The following FBXO4 variants were observed in gnomAD, a reference collection of about 807,000 sequenced individuals.
FBXO4 encodes the protein F-box protein 4.
Under a neutral mutation model 43.7 loss-of-function variants are expected in FBXO4, and 36 were observed. The ratio of observed to expected loss-of-function variants is 0.82; its 90% CI spans 0.63 to 1.09. The LOEUF is 1.09. Among genes scored for constraint, FBXO4 ranks in the 50% least tolerant of loss-of-function variants. FBXO4 has a pLI of 0.00. For missense variants in FBXO4, 435 were observed against 474.1 expected, an observed-to-expected ratio of 0.92 and a Z score of 0.77; for synonymous variants, 180 against 165.6, an observed-to-expected ratio of 1.09 and a Z score of -0.67.
chr5:41,934,937 A>T (rs1751810857), intron 5 of FBXO4: 1 of 962,782 alleles, frequency 1.0e-6, no homozygotes, highest in Non-Finnish European at 1.2e-6. Context: ...TAAATACATA[A>T]TATATTGTAT....
the FBXO4 span, among the ~76,000 whole-genome samples, chr5:42,035,027 C>T: frequency 2.0e-5 from 3 of 151,606 alleles, no homozygotes; most frequent in Non-Finnish European, 4.4e-5. Context: ...TCTCTTATTC[C>T]TCCTTCCCAT....
At chr5:41,989,175 A>G in the FBXO4 span, among the ~76,000 whole-genome samples, 1 of 152,170 alleles carries the variant, frequency 6.6e-6, no homozygotes, top group Non-Finnish European at 1.5e-5. Flanking sequence ...AAGAATTTCC[A>G]GTTTGCCTTA....
the FBXO4 span, among the ~76,000 whole-genome samples, chr5:42,008,061 A>G: frequency 1.4e-4 from 22 of 152,288 alleles, no homozygotes; most frequent in South Asian, 4.4e-3. Flanking sequence ...TTAAAAATCA[A>G]TGAGACATTG....
At chr5:41,938,332 C>T (rs1751904183) in intron 5 of FBXO4, among the ~76,000 whole-genome samples, 1 of 151,948 alleles carries the variant, frequency 6.6e-6, no homozygotes. Context: ...ACATATACTT[C>T]AACAGCTACT....
At chr5:41,944,798 C>G (rs535129892), downstream of FBXO4, among the ~76,000 whole-genome samples, 9 of 152,160 alleles carry the variant, frequency 5.9e-5, no homozygotes, top group African/African-American at 2.2e-4. Flanking sequence ...GCTAAGGTTA[C>G]GATTGTACTC....
the FBXO4 span, among the ~76,000 whole-genome samples, chr5:41,966,715 C>A: frequency 0.096 from 14,494 of 151,420 alleles, 961 homozygotes; most frequent in African/African-American, 0.18. Flanking sequence ...TTTCTTTTTC[C>A]TCTTTTCCCT....
At chr5:41,947,007 G>A in the FBXO4 span, among the ~76,000 whole-genome samples, 2 of 152,152 alleles carry the variant, frequency 1.3e-5, no homozygotes, top group African/African-American at 4.8e-5. Flanking sequence ...TTTATATTCT[G>A]ATTTCATCAG....
the FBXO4 span, among the ~76,000 whole-genome samples, chr5:42,021,136 T>A: frequency 1.3e-5 from 2 of 152,164 alleles, no homozygotes; most frequent in Non-Finnish European, 2.9e-5. Flanking sequence ...TAGGATCTGA[T>A]AACATTTTAA....
chr5:41,968,953 CT>C, the FBXO4 span, among the ~76,000 whole-genome samples: 1 of 152,076 alleles, frequency 6.6e-6, no homozygotes, highest in African/African-American at 2.4e-5. Context: ...TTTTTATCTT[CT>C]AGATATTTTT....
the FBXO4 span, among the ~76,000 whole-genome samples, chr5:41,999,517 A>T: frequency 1.3e-4 from 15 of 115,630 alleles, no homozygotes; most frequent in Non-Finnish European, 2.0e-4. Context: ...GTATATATAT[A>T]TATATACATA....
Position 41,941,606 on chromosome 5 carries a change from T to C in FBXO4, c.*325T>C, listed in dbSNP as rs1182385690. ...CTCATTCCCTGAGTTTCTATTCTTT[T>C]GGGTATAAAGATTGCCTTAGTGAGA... On this transcript the variant is annotated 3_prime_UTR_variant, in exon 7 of 7. Transcript: ENST00000281623. The C allele has an allele frequency of 3.8e-5, 7 of 186,460 alleles. No homozygotes were observed. The highest frequency in any genetic ancestry group is 1.1e-4 in the South Asian group (1 of 8,938). 11.6% of individuals were successfully genotyped at this position (186,460 alleles called of 1,614,324 possible). A position where few individuals can be genotyped will look rare whatever the true frequency, so the allele number is the denominator to read the frequency against.
At chr5:41,989,827 A>C in the FBXO4 span, among the ~76,000 whole-genome samples, 5 of 152,210 alleles carry the variant, frequency 3.3e-5, no homozygotes, top group Non-Finnish European at 5.9e-5. Context: ...ATTACTAATA[A>C]AATGCTTATA....
chr5:42,019,884 T>A, the FBXO4 span, among the ~76,000 whole-genome samples: 1 of 152,082 alleles, frequency 6.6e-6, no homozygotes, highest in Non-Finnish European at 1.5e-5. Context: ...AGGTTAGAGA[T>A]ATACAAAATT....
At chr5:41,990,051 A>G in the FBXO4 span, among the ~76,000 whole-genome samples, 1 of 152,278 alleles carries the variant, frequency 6.6e-6, no homozygotes, top group South Asian at 2.1e-4. Flanking sequence ...TCCTTCCTTT[A>G]ATTCGTACAA....
the FBXO4 span, among the ~76,000 whole-genome samples, chr5:41,947,814 A>G: frequency 6.6e-6 from 1 of 152,196 alleles, no homozygotes; most frequent in African/African-American, 2.4e-5. Context: ...CAGTGTAATC[A>G]TGGGAGGCTG....
At chr5:41,987,397 C>A in the FBXO4 span, among the ~76,000 whole-genome samples, 1 of 152,136 alleles carries the variant, frequency 6.6e-6, no homozygotes, top group Non-Finnish European at 1.5e-5. Flanking sequence ...ATGATCAAAT[C>A]TCTGTTCCTG....
the FBXO4 span, among the ~76,000 whole-genome samples, chr5:41,987,132 T>A: frequency 2.0e-5 from 3 of 152,064 alleles, no homozygotes; most frequent in African/African-American, 7.2e-5. Context: ...TACAGAAAAA[T>A]CAGACCTTTA....
the FBXO4 span, among the ~76,000 whole-genome samples, chr5:42,009,375 ATGTGTGTGTGTGTG>A: frequency 0.09 from 12,943 of 143,666 alleles, 766 homozygotes; most frequent in African/African-American, 0.17. Context: ...GTGTGTGTGT[ATGTGTGTGTGTGTG>A]TGTGTGTGTG....
downstream of FBXO4, among the ~76,000 whole-genome samples, chr5:41,942,422 T>TAATTATAATTATAATG (rs1247741538): frequency 5.1e-3 from 776 of 152,154 alleles, 7 homozygotes; most frequent in African/African-American, 0.017. Context: ...ATATCAGCTA[T>TAATTATAATTATAATG]CTTTTTTTAA....
Sources: gnomAD v4.1 joint callset for allele counts (sites outside exome capture counted in the v4.1 genomes callset) on GRCh38, gnomAD v4.1.1 for gene constraint, MANE v1.5 for transcripts, NCBI Gene and HGNC (gene_info 2026-07-23, HGNC 2026-07-21) for gene names.